The following MACROD2 variants were observed in gnomAD, a reference collection of about 807,000 sequenced individuals.
MACROD2 encodes the protein mono-ADP ribosylhydrolase 2.
MACROD2 carries 36 observed loss-of-function variants against 70.4 expected under a neutral mutation model. That is an observed-to-expected ratio of 0.51 (90% CI 0.39 to 0.68). The LOEUF (loss-of-function observed/expected upper bound fraction) is 0.68, where lower values mean the gene tolerates loss of function less well. Among genes scored for constraint, MACROD2 ranks in the 30% least tolerant of loss-of-function variants. The probability of loss-of-function intolerance (pLI) is 0.00; values close to 1 mark genes in which losing one functional copy is unlikely to be tolerated. For missense variants in MACROD2, 496 were observed against 538.4 expected, an observed-to-expected ratio of 0.92 and a Z score of 0.78; for synonymous variants, 172 against 178.8, an observed-to-expected ratio of 0.96 and a Z score of 0.30.
At chr20:14,441,725 G>A (rs1483415123) in intron 3 of MACROD2, among the ~76,000 whole-genome samples, 1 of 152,130 alleles carries the variant, frequency 6.6e-6, no homozygotes, top group Non-Finnish European at 1.5e-5. Context: ...AATGTCTGCT[G>A]GCATATTACC....
At chr20:15,195,423 A>T (rs2076599264) in intron 5 of MACROD2, among the ~76,000 whole-genome samples, 1 of 152,226 alleles carries the variant, frequency 6.6e-6, no homozygotes, top group Admixed American at 6.5e-5. Flanking sequence ...TGGGCAAAGG[A>T]CATGAACAGA....
intron 5 of MACROD2, among the ~76,000 whole-genome samples, chr20:15,094,153 G>C (rs1292615563): frequency 6.6e-6 from 1 of 152,158 alleles, no homozygotes; most frequent in Non-Finnish European, 1.5e-5. Flanking sequence ...TTCAGCTGAA[G>C]TGTCAGTTAG....
chr20:15,951,378 AG>A (rs1435220489), intron 12 of MACROD2, among the ~76,000 whole-genome samples: 3 of 151,614 alleles, frequency 2.0e-5, no homozygotes, highest in African/African-American at 7.3e-5. Flanking sequence ...GAAAGAGCAC[AG>A]GGGAAGATGT....
chr20:14,757,605 T>A (rs1689175904), intron 5 of MACROD2: 11 of 1,151,930 alleles, frequency 9.5e-6, no homozygotes, highest in Admixed American at 5.6e-5. Flanking sequence ...TTATGACTCC[T>A]TTTTAAGGAG....
chr20:14,360,377 A>G (rs1267178179), intron 3 of MACROD2, among the ~76,000 whole-genome samples: 1 of 152,240 alleles, frequency 6.6e-6, no homozygotes, highest in Non-Finnish European at 1.5e-5. Context: ...CATGATAAAT[A>G]TATACAATTT....
intron 8 of MACROD2, among the ~76,000 whole-genome samples, chr20:15,523,355 C>G (rs1409230920): frequency 2.6e-5 from 4 of 152,096 alleles, no homozygotes; most frequent in Non-Finnish European, 4.4e-5. Flanking sequence ...AGAGCCATCA[C>G]AGTTTTAGAA....
chr20:14,787,012 G>A (rs2072383000), intron 5 of MACROD2, among the ~76,000 whole-genome samples: 1 of 152,054 alleles, frequency 6.6e-6, no homozygotes, highest in African/African-American at 2.4e-5. Context: ...GCAGGCTTAA[G>A]TCTTACATGA....
Position 15,461,006 on chromosome 20 carries a change from A to ATATATATATATATATATATATATTTT in MACROD2, c.571+29572_571+29573insATATATATATATATATATATATTTTT. ...TATATATATATATATATATATATAT[A>ATATATATATATATATATATATATTTT]TTTTTTTTTAATAGATGGGGTCTTG... On this transcript the variant is annotated intron_variant, in intron 7 of 17. Transcript: ENST00000684519. 9.4e-4 allele frequency among the ~76,000 whole-genome samples: 63 copies of ATATATATATATATATATATATATTTT among 66,962 alleles called. 2 individuals are homozygous for ATATATATATATATATATATATATTTT. The highest frequency in any genetic ancestry group is 1.6e-3 in the Non-Finnish European group (50 of 30,428). 43.9% of individuals were successfully genotyped at this position (66,962 alleles called of 152,430 possible).
chr20:15,045,828 A>G (rs944050634), intron 5 of MACROD2, among the ~76,000 whole-genome samples: 9 of 144,704 alleles, frequency 6.2e-5, no homozygotes, highest in Non-Finnish European at 1.3e-4. Context: ...AGGGAACTTC[A>G]TTATATTGAA....
chr20:15,436,018 G>T (rs1600408480), intron 7 of MACROD2, among the ~76,000 whole-genome samples: 2 of 152,092 alleles, frequency 1.3e-5, no homozygotes, highest in South Asian at 2.1e-4. Flanking sequence ...TATACACAAA[G>T]GTCGCATGCC....
At chr20:15,153,314 G>A (rs1489941007) in intron 5 of MACROD2, among the ~76,000 whole-genome samples, 1 of 152,054 alleles carries the variant, frequency 6.6e-6, no homozygotes, top group African/African-American at 2.4e-5. Flanking sequence ...TGAAAAAGGG[G>A]GGTTGTTCTC....
chr20:16,043,765 T>C (rs1481282128), intron 16 of MACROD2, among the ~76,000 whole-genome samples: 3 of 152,114 alleles, frequency 2.0e-5, no homozygotes, highest in Non-Finnish European at 4.4e-5. Flanking sequence ...ATTGAAAGTA[T>C]GGCAAACCAA....
At chr20:15,313,695 T>A (rs903797327) in intron 6 of MACROD2, among the ~76,000 whole-genome samples, 1 of 152,108 alleles carries the variant, frequency 6.6e-6, no homozygotes, top group Non-Finnish European at 1.5e-5. Flanking sequence ...CTCACTATAC[T>A]TCTGCCTACC....
At chr20:15,943,355 A>T (rs926489969) in intron 12 of MACROD2, among the ~76,000 whole-genome samples, 17 of 152,178 alleles carry the variant, frequency 1.1e-4, no homozygotes, top group African/African-American at 4.1e-4. Flanking sequence ...CTCCAGGCTA[A>T]TTTTTCTTTG....
At chr20:15,271,726 G>T (rs2077348251) in intron 6 of MACROD2, among the ~76,000 whole-genome samples, 1 of 152,100 alleles carries the variant, frequency 6.6e-6, no homozygotes. Flanking sequence ...TGTTCTCTCT[G>T]CCTTACTCTT....
intron 4 of MACROD2, among the ~76,000 whole-genome samples, chr20:14,607,312 A>G (rs1026486719): frequency 6.6e-6 from 1 of 152,178 alleles, no homozygotes; most frequent in Non-Finnish European, 1.5e-5. Flanking sequence ...TCAATTCTAT[A>G]TGAGCTAGAT....
intron 5 of MACROD2, among the ~76,000 whole-genome samples, chr20:15,210,552 G>GTTTTTTTTTTTTTTTTTTTGTTTTTTT (rs11333280): frequency 8.2e-6 from 1 of 121,652 alleles, no homozygotes; most frequent in Non-Finnish European, 1.7e-5. Context: ...CTTTTCTTCT[G>GTTTTTTTTTTTTTTTTTTTGTTTTTTT]TTTTTTTTTT....
chr20:15,822,982 A>G (rs2147105147), intron 8 of MACROD2, among the ~76,000 whole-genome samples: 1 of 152,334 alleles, frequency 6.6e-6, no homozygotes, highest in South Asian at 2.1e-4. Flanking sequence ...GTTGGTTTCC[A>G]CTACAACACC....
intron 8 of MACROD2, among the ~76,000 whole-genome samples, chr20:15,541,752 A>G (rs1053523477): frequency 6.6e-6 from 1 of 152,176 alleles, no homozygotes; most frequent in Non-Finnish European, 1.5e-5. Flanking sequence ...GACCTTATAT[A>G]TGGTAGATGC....
Sources: allele counts gnomAD v4.1 joint callset (sites outside exome capture counted in the v4.1 genomes callset), GRCh38; gene constraint gnomAD v4.1.1; transcripts MANE v1.5; gene names NCBI Gene and HGNC (gene_info 2026-07-23, HGNC 2026-07-21).